CARD8: variants seen among roughly 807,000 people sequenced by gnomAD.
The protein encoded by CARD8 is caspase recruitment domain family member 8, also known as caspase recruitment domain-containing protein 8.
CARD8 carries 38 observed loss-of-function variants against 53.2 expected under a neutral mutation model. The ratio of observed to expected loss-of-function variants is 0.71; its 90% confidence interval spans 0.55 to 0.94. CARD8 has a LOEUF of 0.94. Among genes scored for constraint, CARD8 ranks in the 40% least tolerant of loss-of-function variants. CARD8 has a pLI of 0.00. For missense variants in CARD8, 561 were observed against 655.5 expected, an observed-to-expected ratio of 0.86 and a Z score of 1.57; for synonymous variants, 245 against 244.9, an observed-to-expected ratio of 1.00 and a Z score of 0.00.
intron 12 of CARD8, among the ~76,000 whole-genome samples, chr19:48,218,439 C>A (rs2039810061): frequency 6.6e-6 from 1 of 151,396 alleles, no homozygotes; most frequent in Non-Finnish European, 1.5e-5. Flanking sequence ...CTCACTGCAA[C>A]CCCCTCCTGG....
intron 3 of CARD8, 32 bp downstream of exon 3, chr19:48,249,491 A>T (rs1463712432): frequency 1.3e-5 from 2 of 152,282 alleles, no homozygotes; most frequent in Non-Finnish European, 2.9e-5. Flanking sequence ...AACTCTGCAG[A>T]AGTAAGTGTA....
In CARD8 at chr19:48,211,801, T is replaced by C. The variant is rs746082189; in HGVS notation, c.1523A>G (p.Lys508Arg). 1.2e-6 allele frequency: 2 copies of C among 1,614,196 alleles called. No homozygotes were observed. The highest frequency in any genetic ancestry group is 2.2e-5 in the East Asian group (1 of 44,882). ...KNEALLSMVEKKGDLALDVLF... is the reference protein window; with the variant it reads ...KNEALLSMVERKGDLALDVLF... ...CACGTCCAGGGCCAGGTCCCCTTTC[T>C]TCTCCACCATGCTCAGCAAGGCCTC... Residue 508 changes from lysine to arginine, a missense_variant, in exon 14 of 14, where the codon AAG becomes AGG. Coordinates refer to ENST00000651546, the MANE Select transcript of CARD8 (RefSeq NM_001184900.3).
At chr19:48,241,500 C>T (rs1369641690) in intron 3 of CARD8, among the ~76,000 whole-genome samples, 1 of 152,132 alleles carries the variant, frequency 6.6e-6, no homozygotes, top group Non-Finnish European at 1.5e-5. Flanking sequence ...AGGTGATCGG[C>T]CCGTCTCGGC....
At chr19:48,206,437 T>C (rs1292371452), downstream of CARD8, 2 of 458,934 alleles carry the variant, frequency 4.4e-6, no homozygotes, top group South Asian at 3.1e-5. Context: ...ATAACAGGGA[T>C]TTAGGGTAAC....
intron 11 of CARD8, 60 bp downstream of exon 11, chr19:48,221,670 T>C: frequency 7.8e-7 from 1 of 1,278,750 alleles, no homozygotes. Context: ...GATTCTTCCA[T>C]TTGTTTCAGA....
chr19:48,209,986 C>CT lies in CARD8; in HGVS notation c.*1723dup, dbSNP rs2037738412. ...TTTTTAGAAATTAGGCTGAAAACCTCTAAGTTTGGTAAAAGACATAAAACT... is the reference window on the plus strand; with the variant it reads ...TTTTTAGAAATTAGGCTGAAAACCTCTTAAGTTTGGTAAAAGACATAAAACT... On this transcript the variant is annotated 3_prime_UTR_variant, in exon 14 of 14. Coordinates refer to ENST00000651546, the MANE Select transcript of CARD8 (RefSeq NM_001184900.3). 1 of 152,120 alleles carries CT rather than the reference C, an allele frequency of 6.6e-6. No homozygotes were observed. The highest frequency in any genetic ancestry group is 1.5e-5 in the Non-Finnish European group (1 of 68,028). 9.4% of individuals were successfully genotyped at this position (152,120 alleles called of 1,614,324 possible). A position where few individuals can be genotyped will look rare whatever the true frequency, so the allele number is the denominator to read the frequency against.
intron 1 of CARD8, among the ~76,000 whole-genome samples, chr19:48,253,025 T>C (rs1207310441): frequency 6.6e-6 from 1 of 152,178 alleles, no homozygotes; most frequent in Non-Finnish European, 1.5e-5. Flanking sequence ...ACATGTTCCT[T>C]ATTCTTGGTA....
In CARD8 at chr19:48,211,586, T is replaced by G. The variant is rs967151197; in HGVS notation, c.*124A>C. On this transcript the variant is annotated 3_prime_UTR_variant, in exon 14 of 14. Coordinates refer to ENST00000651546, the MANE Select transcript of CARD8 (RefSeq NM_001184900.3). ...AGGTTACAAGTCTGTCCTGAAAGCC[T>G]GTGTGATAGATGTTACCCAGTCTTC... 1.3e-5 allele frequency: 12 copies of G among 909,666 alleles called. No individual in the cohort carries two copies. The highest frequency in any genetic ancestry group is 2.0e-5 in the Non-Finnish European group (12 of 594,230). 56.3% of individuals were successfully genotyped at this position (909,666 alleles called of 1,614,324 possible).
intron 8 of CARD8, 90 bp downstream of exon 8, chr19:48,231,570 C>T (rs1600410485): frequency 3.0e-6 from 4 of 1,333,768 alleles, no homozygotes; most frequent in Non-Finnish European, 4.1e-6. Context: ...CCCAAAGTGC[C>T]GAGATTACAG....
At position 48,210,338 on chromosome 19, in the gene CARD8, A is replaced by C. The variant is rs921882338; in HGVS notation, c.*1372T>G. On this transcript the variant is annotated 3_prime_UTR_variant, in exon 14 of 14. Coordinates refer to ENST00000651546, the MANE Select transcript of CARD8 (RefSeq NM_001184900.3). ...TACCTATCAGAACCACTCTAAAAGAACTAAAAAACGTCTATCAGAGGAAGT... is the reference window on the plus strand; with the variant it reads ...TACCTATCAGAACCACTCTAAAAGACCTAAAAAACGTCTATCAGAGGAAGT... The C allele has an allele frequency of 2.0e-5, 3 of 152,176 alleles. No homozygotes were observed. Among genetic ancestry groups the C allele is most frequent in the African/African-American group, 7.2e-5 (3 of 41,462 alleles). The allele number at this position is 152,176 out of a possible 1,614,324, so 9.4% of individuals were successfully genotyped here.
intron 12 of CARD8, among the ~76,000 whole-genome samples, chr19:48,217,012 G>T (rs2039447870): frequency 6.6e-6 from 1 of 152,044 alleles, no homozygotes; most frequent in African/African-American, 2.4e-5. Context: ...AGATCATCAG[G>T]TGTTAGATTC....
chr19:48,203,988 G>T (rs61031161), downstream of CARD8: 344 of 345,354 alleles, frequency 1.0e-3, 1 homozygote, highest in African/African-American at 5.6e-3. Context: ...GAACCCGCGG[G>T]CCCAGAGCTC....
At chr19:48,220,543 T>G (rs1285745714) in intron 11 of CARD8, among the ~76,000 whole-genome samples, 2 of 152,192 alleles carry the variant, frequency 1.3e-5, no homozygotes, top group Non-Finnish European at 2.9e-5. Flanking sequence ...ATCTTGATAC[T>G]TTGTTCTAGA....
intron 3 of CARD8, among the ~76,000 whole-genome samples, chr19:48,245,971 A>C (rs6509368): frequency 6.6e-6 from 1 of 151,202 alleles, no homozygotes; most frequent in Non-Finnish European, 1.5e-5. Flanking sequence ...TTAGCATATC[A>C]TACCATTACT....
intron 3 of CARD8, among the ~76,000 whole-genome samples, chr19:48,242,265 C>G (rs115517275): frequency 0.043 from 6,541 of 151,868 alleles, 462 homozygotes; most frequent in African/African-American, 0.15. Flanking sequence ...CGCTTTCTAC[C>G]GTGGGAGGGC....
In CARD8 at chr19:48,210,379, G is replaced by A. The variant is rs781168646; in HGVS notation, c.*1331C>T. ...CAGAGGAAGTGGAAATTTGCAGAAC[G>A]AAATTTGGAAAATAATGAAGGAAGA... is the stretch of plus-strand genomic sequence containing the variant. On this transcript the variant is annotated 3_prime_UTR_variant, in exon 14 of 14. Transcript: ENST00000651546. 3 of 152,062 alleles carry A rather than the reference G, an allele frequency of 2.0e-5. No individual in the cohort carries two copies. The highest frequency in any genetic ancestry group is 4.4e-5 in the Non-Finnish European group (3 of 67,984). 9.4% of individuals were successfully genotyped at this position (152,062 alleles called of 1,614,324 possible). A position where few individuals can be genotyped will look rare whatever the true frequency, so the allele number is the denominator to read the frequency against.
intron 8 of CARD8, 112 bp downstream of exon 8, chr19:48,231,548 C>A: frequency 9.4e-7 from 1 of 1,059,204 alleles, no homozygotes; most frequent in East Asian, 2.4e-5. Context: ...TGTGATCCGC[C>A]CTCCTCCACC....
chr19:48,215,436 T>C (rs1568651825), intron 12 of CARD8, 52 bp from the exon 13 acceptor site: 1 of 1,283,590 alleles, frequency 7.8e-7, no homozygotes, highest in Non-Finnish European at 1.1e-6. Context: ...CATGTACCCT[T>C]ATTTAGCTTT....
rs1041601578 is a variant in CARD8, at chr19:48,208,191, A to G, written c.*3519T>C. On this transcript the variant is annotated 3_prime_UTR_variant, in exon 14 of 14. Transcript: ENST00000651546. ...ATTTAGTTCTACTTCAAGATAAGGT[A>G]TAGACAACTGCAAAATTCCACTGTC... The G allele has an allele frequency of 1.8e-4, 28 of 152,348 alleles. No homozygotes were observed. The highest frequency in any genetic ancestry group is 6.5e-4 in the African/African-American group (27 of 41,580). The allele number at this position is 152,348 out of a possible 1,614,324, so 9.4% of individuals were successfully genotyped here. A position where few individuals can be genotyped will look rare whatever the true frequency, so the allele number is the denominator to read the frequency against.
Sources: gnomAD v4.1 joint callset for allele counts (sites outside exome capture counted in the v4.1 genomes callset) on GRCh38, gnomAD v4.1.1 for gene constraint, MANE v1.5 for transcripts, NCBI Gene and HGNC (gene_info 2026-07-23, HGNC 2026-07-21) for gene names.